The following PPFIA2 variants were observed in gnomAD, a reference collection of about 807,000 sequenced individuals.
PPFIA2 encodes the protein PPFI scaffold protein A2.
Under a neutral mutation model 175.5 loss-of-function variants are expected in PPFIA2, and 46 were observed. That is an observed-to-expected ratio of 0.26 (90% CI 0.21 to 0.34). PPFIA2 has a LOEUF of 0.34. Among genes scored for constraint, PPFIA2 ranks in the 10% least tolerant of loss-of-function variants. The pLI, the probability that PPFIA2 is intolerant of heterozygous loss-of-function variation, is 1.00. For synonymous variants in PPFIA2, 568 were observed against 511.4 expected (o/e 1.11, Z -1.49); for missense variants, 1,179 against 1,506.1 (o/e 0.78, Z 3.60).
chr12:81,676,793 G>A lies in PPFIA2; in HGVS notation c.301C>T (p.Pro101Ser). 1 of 1,555,362 alleles carries A rather than the reference G, an allele frequency of 6.4e-7. No homozygotes were observed. Among genetic ancestry groups the A allele is most frequent in the Non-Finnish European group, 8.7e-7 (1 of 1,150,314 alleles). Residue 101 changes from proline to serine, a missense_variant and splice_region_variant, in exon 4 of 33, where the codon CCG (proline) becomes TCG (serine). By Grantham distance (74) the Pro-to-Ser change is moderately conservative. Coordinates refer to ENST00000549396, the MANE Select transcript of PPFIA2 (RefSeq NM_003625.5). The stretch of plus-strand genomic sequence containing the variant: ...ATTTAATGAAGAATCTAACTTACCG[G>A]TGGATCAGCCCCCTTAGAACCAGCC... ...GLAGSKGADP[P>S]EFAALTKELN... is the part of the protein sequence containing the mutation.
intron 21 of PPFIA2, among the ~76,000 whole-genome samples, chr12:81,335,413 T>C (rs1451343180): frequency 6.6e-6 from 1 of 152,024 alleles, no homozygotes; most frequent in Non-Finnish European, 1.5e-5. Context: ...CCAAACCTGT[T>C]TATTTAATTT....
intron 4 of PPFIA2, among the ~76,000 whole-genome samples, chr12:81,593,737 T>C (rs775078922): frequency 6.6e-6 from 1 of 152,202 alleles, no homozygotes; most frequent in Non-Finnish European, 1.5e-5. Context: ...GTGGGCACTT[T>C]GAGTGAAGAG....
intron 4 of PPFIA2, among the ~76,000 whole-genome samples, chr12:81,576,933 A>G (rs1182438611): frequency 4.0e-5 from 6 of 151,868 alleles, no homozygotes. Context: ...CAGACTCAGC[A>G]TGAATTTTTT....
intron 21 of PPFIA2, among the ~76,000 whole-genome samples, chr12:81,333,703 T>C (rs2056574488): frequency 6.6e-6 from 1 of 152,196 alleles, no homozygotes; most frequent in Non-Finnish European, 1.5e-5. Flanking sequence ...ACATCCATTC[T>C]TTCTATTTTT....
intron 4 of PPFIA2, among the ~76,000 whole-genome samples, chr12:81,605,933 T>C (rs2060264669): frequency 6.6e-6 from 1 of 151,774 alleles, no homozygotes; most frequent in Admixed American, 6.6e-5. Context: ...GTGAGCATAA[T>C]AGCCAATAAG....
chr12:81,733,457 C>T (rs369033249), intron 3 of PPFIA2, among the ~76,000 whole-genome samples: 1 of 151,470 alleles, frequency 6.6e-6, no homozygotes, highest in African/African-American at 2.4e-5. Flanking sequence ...GAGGGTAGAT[C>T]TCATGTTAAG....
At chr12:81,327,156 C>A (rs1264711980) in intron 21 of PPFIA2, among the ~76,000 whole-genome samples, 1 of 151,918 alleles carries the variant, frequency 6.6e-6, no homozygotes, top group Non-Finnish European at 1.5e-5. Context: ...TCCTGATAAC[C>A]TTTTTACTGA....
intron 4 of PPFIA2, among the ~76,000 whole-genome samples, chr12:81,459,739 G>C (rs898582003): frequency 6.6e-6 from 1 of 152,062 alleles, no homozygotes; most frequent in African/African-American, 2.4e-5. Flanking sequence ...TCATGGCACT[G>C]ATTCTGAGTA....
chr12:81,666,608 T>C (rs1480275501), intron 4 of PPFIA2, among the ~76,000 whole-genome samples: 2 of 151,944 alleles, frequency 1.3e-5, no homozygotes, highest in South Asian at 2.1e-4. Context: ...CCGGGGCCTG[T>C]TGTGGGGTGG....
chr12:81,307,540 A>G (rs1483429128), intron 22 of PPFIA2, among the ~76,000 whole-genome samples: 1 of 152,230 alleles, frequency 6.6e-6, no homozygotes, highest in Non-Finnish European at 1.5e-5. Flanking sequence ...TATATCTAAC[A>G]TTCAGAAAGA....
At chr12:81,408,748 C>A (rs888723763) in intron 7 of PPFIA2, among the ~76,000 whole-genome samples, 19 of 152,162 alleles carry the variant, frequency 1.2e-4, no homozygotes, top group African/African-American at 4.6e-4. Context: ...TTTTCAACCA[C>A]TAACATGCAA....
At chr12:81,523,702 C>G (rs1379589103) in intron 4 of PPFIA2, among the ~76,000 whole-genome samples, 2 of 152,132 alleles carry the variant, frequency 1.3e-5, no homozygotes, top group East Asian at 3.9e-4. Flanking sequence ...CTTACCTCTA[C>G]AATGTGAGGA....
intron 22 of PPFIA2, among the ~76,000 whole-genome samples, chr12:81,301,543 T>A (rs1997441): frequency 6.6e-6 from 1 of 152,050 alleles, no homozygotes; most frequent in African/African-American, 2.4e-5. Context: ...GAGTGATCCT[T>A]TTGAGTCTGA....
chr12:81,321,891 A>T (rs1411469202), intron 22 of PPFIA2, among the ~76,000 whole-genome samples: 1 of 152,194 alleles, frequency 6.6e-6, no homozygotes, highest in Non-Finnish European at 1.5e-5. Flanking sequence ...ATCATTCCAT[A>T]CAGTGTAATT....
intron 4 of PPFIA2, among the ~76,000 whole-genome samples, chr12:81,610,766 G>C (rs2060816021): frequency 6.6e-6 from 1 of 152,192 alleles, no homozygotes; most frequent in South Asian, 2.1e-4. Flanking sequence ...TTGCTGAGGA[G>C]CTAGTGGACT....
intron 4 of PPFIA2, among the ~76,000 whole-genome samples, chr12:81,547,104 G>A (rs1234240734): frequency 2.0e-5 from 3 of 152,068 alleles, no homozygotes; most frequent in African/African-American, 4.8e-5. Context: ...TTATTTGCCC[G>A]TGACAAACTG....
chr12:81,292,557 T>C (rs2045318918), intron 24 of PPFIA2: 1 of 152,136 alleles, frequency 6.6e-6, no homozygotes, highest in Admixed American at 6.6e-5. Context: ...ATGATTTTCT[T>C]AATAATATTT....
At chr12:81,282,707 G>C (rs1415868538) in intron 26 of PPFIA2, 1 of 203,954 alleles carries the variant, frequency 4.9e-6, no homozygotes, top group African/African-American at 2.3e-5. Flanking sequence ...AATGCTTCCT[G>C]ATTAAATATA....
At chr12:81,582,329 TTTC>T (rs2074542201) in intron 4 of PPFIA2, among the ~76,000 whole-genome samples, 2 of 152,048 alleles carry the variant, frequency 1.3e-5, no homozygotes, top group East Asian at 3.9e-4. Flanking sequence ...TTCTTCATCC[TTTC>T]TTCTTAAGAT....
Sources: allele counts gnomAD v4.1 joint callset (sites outside exome capture counted in the v4.1 genomes callset), GRCh38; gene constraint gnomAD v4.1.1; transcripts MANE v1.5; gene names NCBI Gene and HGNC (gene_info 2026-07-23, HGNC 2026-07-21).